The following C11orf54 variants were observed in gnomAD, a reference collection of about 807,000 sequenced individuals.
C11orf54 encodes beta-keto L-gulonate decarboxylase.
Under a neutral mutation model 35.5 loss-of-function variants are expected in C11orf54, and 29 were observed. The observed-to-expected ratio is 0.82, with a 90% CI of 0.61 to 1.11. C11orf54 has a LOEUF of 1.11. Ranked by LOEUF, C11orf54 falls within the 50% of genes most tolerant of loss-of-function variation. The pLI is 0.00. For missense variants in C11orf54, 373 were observed against 369.2 expected, an observed-to-expected ratio of 1.01 and a Z score of -0.08; for synonymous variants, 108 against 121.1, an observed-to-expected ratio of 0.89 and a Z score of 0.71.
intron 1 of C11orf54, chr11:93,746,014 ATATTTGGG>A (rs988892753): frequency 6.6e-6 from 1 of 152,228 alleles, no homozygotes; most frequent in Non-Finnish European, 1.5e-5. Context: ...ACAGTTATAT[ATATTTGGG>A]AGATTAGATT....
At chr11:93,743,659 C>G (rs1369929024) in intron 1 of C11orf54, among the ~76,000 whole-genome samples, 2 of 152,196 alleles carry the variant, frequency 1.3e-5, no homozygotes, top group Admixed American at 1.3e-4. Flanking sequence ...GCCCGCGACC[C>G]CTGAAGACCC....
intron 3 of C11orf54, 43 bp downstream of exon 3, chr11:93,750,487 C>G: frequency 7.3e-7 from 1 of 1,371,804 alleles, no homozygotes. Context: ...TAGTCATAAT[C>G]TTTTTCTGAA....
In C11orf54 at chr11:93,763,643, C is replaced by G. The variant is rs1943559589; in HGVS notation, c.*1955C>G. The G allele has an allele frequency of 6.6e-6, 1 of 152,170 alleles. No homozygotes were observed. The highest frequency in any genetic ancestry group is 2.4e-5 in the African/African-American group (1 of 41,410). 9.4% of individuals were successfully genotyped at this position (152,170 alleles called of 1,614,324 possible). Reference sequence around the variant, plus strand: ...TGGTTGTGCACACCTGTTGTCCCAGCTGCTCAGGAGGCTGAGGCACGAGAA... The same window carrying G: ...TGGTTGTGCACACCTGTTGTCCCAGGTGCTCAGGAGGCTGAGGCACGAGAA... On this transcript the variant is annotated 3_prime_UTR_variant, in exon 9 of 9. Transcript: ENST00000354421.
In C11orf54 at chr11:93,748,799, G is replaced by C. The variant is rs1284140; in HGVS notation, c.55+1351G>C. Among the ~76,000 whole-genome samples, 5 of 149,642 alleles carry C rather than the reference G, an allele frequency of 3.3e-5. No individual in the cohort carries two copies. In the Middle Eastern group the frequency reaches 0.011, roughly 321 times the overall value. On this transcript the variant is annotated intron_variant, in intron 2 of 8. Coordinates refer to ENST00000354421, the MANE Select transcript of C11orf54 (RefSeq NM_001286069.2). Reference sequence around the variant, plus strand: ...TACGTTGAGCCAAGATCGCGCCACTGTACTTCGACCTGGGCAACAACACGA... The same window carrying C: ...TACGTTGAGCCAAGATCGCGCCACTCTACTTCGACCTGGGCAACAACACGA...
rs1943523137 is a variant in C11orf54 at position 93,762,518 on chromosome 11, A to T, written c.*830A>T. ...CCGGGCATGGTGGCTGAAGCCTGTG[A>T]TCCCAGCATGTTGGGAGGCCGAGTG... On this transcript the variant is annotated 3_prime_UTR_variant, in exon 9 of 9. Transcript: ENST00000354421. 1 of 152,196 alleles carries T rather than the reference A, an allele frequency of 6.6e-6. No individual in the cohort carries two copies. The highest frequency in any genetic ancestry group is 1.5e-5 in the Non-Finnish European group (1 of 68,042). 9.4% of individuals were successfully genotyped at this position (152,196 alleles called of 1,614,324 possible). A position where few individuals can be genotyped will look rare whatever the true frequency, so the allele number is the denominator to read the frequency against.
intron 1 of C11orf54, among the ~76,000 whole-genome samples, chr11:93,744,984 C>G (rs1198032233): frequency 3.3e-5 from 5 of 151,744 alleles, no homozygotes; most frequent in African/African-American, 9.7e-5. Context: ...TAAATAAGTT[C>G]AAGGGAAGGT....
In C11orf54 at chr11:93,754,008, C is replaced by A; in HGVS notation, c.301C>A (p.Pro101Thr). 1.2e-6 allele frequency: 2 copies of A among 1,614,036 alleles called. No homozygotes were observed. Among genetic ancestry groups the A allele is most frequent in the Non-Finnish European group, 1.7e-6 (2 of 1,179,962 alleles). The change falls in exon 5 of 9, where the codon CCA becomes ACA. Residue 101 changes from proline (P) to threonine (T), a missense_variant. Pro to Thr is a conservative substitution (Grantham distance 38, BLOSUM62 -1). Coordinates refer to ENST00000354421, the MANE Select transcript of C11orf54 (RefSeq NM_001286069.2). ...GAFILGAGAG[P>T]FQTLGFNSEF... ...CTTTATTCTTGGAGCAGGAGCAGGT[C>A]CATTTCAGACTCTCGGGTTCAATTC...
At position 93,761,495 on chromosome 11, in the gene C11orf54, T is replaced by C. The variant is rs1943467807; in HGVS notation, c.775-20T>C. 4 of 1,580,464 alleles carry C rather than the reference T, an allele frequency of 2.5e-6. No individual in the cohort carries two copies. Among genetic ancestry groups the C allele is most frequent in the African/African-American group, 1.4e-5 (1 of 73,486 alleles). On this transcript the variant is annotated intron_variant, in intron 8 of 8. Coordinates refer to ENST00000354421, the MANE Select transcript of C11orf54 (RefSeq NM_001286069.2). ...AATCAATAATTTGAGTACTAACATA[T>C]TGTTTGTCTGTTATCTTAGGGGTTT...
chr11:93,745,840 G>C (rs1048992725), intron 1 of C11orf54: 1 of 152,114 alleles, frequency 6.6e-6, no homozygotes, highest in African/African-American at 2.4e-5. Flanking sequence ...AAATTAGCCG[G>C]GCATGATGGC....
rs1942514979 is a variant in C11orf54, at chr11:93,747,153, A to T, written c.-97-144A>T. On this transcript the variant is annotated intron_variant, in intron 1 of 8. Coordinates refer to ENST00000354421, the MANE Select transcript of C11orf54 (RefSeq NM_001286069.2). ...TTAAATTTTAAATTACAATAAAATA[A>T]AGTGTAAGTATTAAAAGGCCACTTG... The T allele has an allele frequency of 1.2e-5, 4 of 320,330 alleles. No homozygotes were observed. The South Asian group carries it at 4.5e-4, about 36-fold the overall frequency. The allele number at this position is 320,330 out of a possible 1,614,324, so 19.8% of individuals were successfully genotyped here.
chr11:93,747,949 A>G (rs2135589194), intron 2 of C11orf54, among the ~76,000 whole-genome samples: 1 of 152,340 alleles, frequency 6.6e-6, no homozygotes, highest in Admixed American at 6.5e-5. Flanking sequence ...GAGGGAAGAT[A>G]GTCAAAAAAA....
At position 93,755,319 on chromosome 11, in the gene C11orf54, A is replaced by T; in HGVS notation, c.440A>T (p.Glu147Val). 1 of 1,614,200 alleles carries T rather than the reference A, an allele frequency of 6.2e-7. No homozygotes were observed. The highest frequency in any genetic ancestry group is 8.5e-7 in the Non-Finnish European group (1 of 1,180,026). Residue 147 changes from glutamate to valine, a missense_variant, in exon 6 of 9, where the codon GAG (glutamate) becomes GTG (valine). By Grantham distance (121) the Glu-to-Val change is moderately radical (BLOSUM62 -2). Transcript: ENST00000354421. ...GGGTGCCTACTGGAGAAATACAGTG[A>T]GAAATGTCATGATTTTCAGTGTGCA... is the stretch of plus-strand genomic sequence containing the variant. ...DGGCLLEKYS[E>V]KCHDFQCALL...
chr11:93,753,473 T>TA (rs1942954179), intron 3 of C11orf54, among the ~76,000 whole-genome samples: 1 of 152,204 alleles, frequency 6.6e-6, no homozygotes, highest in Non-Finnish European at 1.5e-5. Context: ...TGCCACCAAC[T>TA]TTATAAGCCA....
chr11:93,758,569 G>A (rs1228811726), intron 7 of C11orf54, among the ~76,000 whole-genome samples: 2 of 152,224 alleles, frequency 1.3e-5, no homozygotes, highest in Admixed American at 6.5e-5. Flanking sequence ...CCCTGCTGTC[G>A]GCGCCTGCTC....
rs186249837 is a variant in C11orf54, at chr11:93,756,667, T to C, written c.508-649T>C. ...TGCTTCTTTCTGATGAATCACACAT[T>C]GCTCTAGATAGAAATGGTGGTAGCA... On this transcript the variant is annotated intron_variant, in intron 6 of 8. Transcript: ENST00000354421. 1.2e-3 allele frequency among the ~76,000 whole-genome samples: 178 copies of C among 152,246 alleles called. 1 individual carries two copies. The highest frequency in any genetic ancestry group is 2.7e-3 in the Admixed American group (42 of 15,286).
chr11:93,751,215 TTAGAA>T (rs1366473947), intron 3 of C11orf54, among the ~76,000 whole-genome samples: 2 of 152,138 alleles, frequency 1.3e-5, no homozygotes, highest in Admixed American at 1.3e-4. Context: ...TAGTTCTGTC[TTAGAA>T]CAAACCTGAC....
chr11:93,749,790 A>G (rs1942716752), intron 2 of C11orf54, among the ~76,000 whole-genome samples: 2 of 152,234 alleles, frequency 1.3e-5, no homozygotes, highest in South Asian at 4.1e-4. Context: ...AGCTTGATGA[A>G]TGTTAACAAT....
chr11:93,753,541 G>A (rs1269481472), intron 3 of C11orf54, 141 bp from the exon 4 acceptor site: 2 of 678,696 alleles, frequency 2.9e-6, no homozygotes, highest in African/African-American at 1.8e-5. Context: ...AGGGGTTCTA[G>A]CCACTATGTC....
At chr11:93,745,340 G>C (rs1320483620) in intron 1 of C11orf54, among the ~76,000 whole-genome samples, 2 of 152,098 alleles carry the variant, frequency 1.3e-5, no homozygotes, top group African/African-American at 4.8e-5. Context: ...CGCTTTCTTG[G>C]GCAGAGGTCC....
Sources: gnomAD v4.1 joint callset for allele counts (sites outside exome capture counted in the v4.1 genomes callset) on GRCh38, gnomAD v4.1.1 for gene constraint, MANE v1.5 for transcripts, NCBI Gene and HGNC (gene_info 2026-07-23, HGNC 2026-07-21) for gene names.